The following DYRK4 variants were observed in gnomAD, a reference collection of about 807,000 sequenced individuals.
DYRK4 encodes the protein dual specificity tyrosine phosphorylation regulated kinase 4.
Under a neutral mutation model 68.3 loss-of-function variants are expected in DYRK4, and 64 were observed. The ratio of observed to expected loss-of-function variants is 0.94; its 90% CI spans 0.77 to 1.15. The LOEUF (loss-of-function observed/expected upper bound fraction) is 1.15. DYRK4 is among the 50% of genes most tolerant of loss of function. DYRK4 has a pLI of 0.00. For missense variants in DYRK4, 740 were observed against 764.7 expected (o/e 0.97, Z 0.38); for synonymous variants, 274 against 289.9 (o/e 0.95, Z 0.56).
chr12:4,597,782 G>A (rs951649259), intron 8 of DYRK4, among the ~76,000 whole-genome samples: 2 of 152,200 alleles, frequency 1.3e-5, no homozygotes, highest in African/African-American at 4.8e-5. Flanking sequence ...GCTCATGCCT[G>A]TAATCCCAGC....
At chr12:4,604,178 C>T (rs1945113327) in intron 10 of DYRK4, among the ~76,000 whole-genome samples, 1 of 152,214 alleles carries the variant, frequency 6.6e-6, no homozygotes, top group South Asian at 2.1e-4. Context: ...CCATTAAATC[C>T]ATGTTCTAAA....
rs756556537 is a variant in DYRK4 at position 4,610,218 on chromosome 12, A to G, written c.1424A>G (p.Lys475Arg). The change falls in exon 13 of 15, where the codon AAG becomes AGG. Residue 475 changes from lysine to arginine, a missense_variant. Physicochemically the swap from Lys to Arg is conservative, Grantham distance 26. Around this residue, in one of 3 missense-constraint regions of DYRK4, gnomAD observed 614 missense variants for 603.7 expected, o/e 1.02. Coordinates refer to ENST00000543431, the MANE Select transcript of DYRK4 (RefSeq NM_001394779.1). The part of the protein sequence containing the change: ...NRGKKRYPDS[K>R]DLTMVLKTYD... Reference sequence around the variant, plus strand: ...GGGAAAAAAAGATACCCAGATTCCAAGGACCTCACGATGGTGCTGAAAACC... The same window carrying G: ...GGGAAAAAAAGATACCCAGATTCCAGGGACCTCACGATGGTGCTGAAAACC... The G allele has an allele frequency of 4.4e-6, 7 of 1,602,252 alleles. No individual in the cohort carries two copies. Among genetic ancestry groups the G allele is most frequent in the Non-Finnish European group, 5.1e-6 (6 of 1,175,328 alleles).
At chr12:4,572,111 G>T (rs1820918136) in intron 2 of DYRK4, among the ~76,000 whole-genome samples, 1 of 152,216 alleles carries the variant, frequency 6.6e-6, no homozygotes, top group Non-Finnish European at 1.5e-5. Context: ...TTTGTAGGAA[G>T]ACCAGATGTT....
intron 13 of DYRK4, among the ~76,000 whole-genome samples, chr12:4,611,283 G>T (rs2137412166): frequency 6.6e-6 from 1 of 152,270 alleles, no homozygotes; most frequent in South Asian, 2.1e-4. Context: ...TCAAGGTAGG[G>T]AAGGATCCTG....
At chr12:4,580,537 C>T (rs1944831268) in intron 2 of DYRK4, among the ~76,000 whole-genome samples, 2 of 152,140 alleles carry the variant, frequency 1.3e-5, no homozygotes, top group Non-Finnish European at 2.9e-5. Flanking sequence ...CCTTAGGAGC[C>T]CAGCCACCTC....
Position 4,596,083 on chromosome 12 carries a change from G to A in DYRK4, c.628-66G>A, listed in dbSNP as rs895349241. 3.2e-6 allele frequency: 5 copies of A among 1,552,142 alleles called. No homozygotes were observed. The African/African-American group carries it at 5.5e-5, about 17-fold the overall frequency. The stretch of plus-strand genomic sequence containing the variant: ...CATAATCTGGGGATGGGAATGCCAG[G>A]GCCATGTACCAGGAAGGCCTGGGAG... On this transcript the variant is annotated intron_variant, in intron 6 of 14. Coordinates refer to ENST00000543431, the MANE Select transcript of DYRK4 (RefSeq NM_001394779.1).
At chr12:4,599,375 G>T (rs189443263) in intron 9 of DYRK4, among the ~76,000 whole-genome samples, 7 of 150,888 alleles carry the variant, frequency 4.6e-5, no homozygotes, top group Non-Finnish European at 8.8e-5. Flanking sequence ...CATTTCTAAG[G>T]CCGTGCAAGC....
Position 4,596,177 on chromosome 12 carries a change from A to G in DYRK4, c.656A>G (p.Tyr219Cys). The G allele has an allele frequency of 6.2e-7, 1 of 1,614,166 alleles. No homozygotes were observed. Among genetic ancestry groups the G allele is most frequent in the Non-Finnish European group, 8.5e-7 (1 of 1,180,022 alleles). ...CTGCATGATCACATTGCCTACCGCT[A>G]TGAAGTTCTGGAGACAATCGGGAAG... ...KVLHDHIAYR[Y>C]EVLETIGKGS... Residue 219 changes from tyrosine (Y) to cysteine (C), a missense_variant, in exon 7 of 15, where the codon TAT (tyrosine) becomes TGT (cysteine). By Grantham distance (194) the Tyr-to-Cys change is radical (BLOSUM62 -2). Around this residue, in one of 3 missense-constraint regions of DYRK4, gnomAD observed 614 missense variants for 603.7 expected, o/e 1.02. Coordinates refer to ENST00000543431, the MANE Select transcript of DYRK4 (RefSeq NM_001394779.1).
intron 13 of DYRK4, among the ~76,000 whole-genome samples, chr12:4,612,050 T>C (rs900960628): frequency 6.6e-6 from 1 of 152,178 alleles, no homozygotes; most frequent in Non-Finnish European, 1.5e-5. Flanking sequence ...AATTGCAGGG[T>C]GATTCCATGA....
At chr12:4,568,093 G>A (rs1228118728) in intron 2 of DYRK4, 45 bp downstream of exon 2, 20 of 1,496,218 alleles carry the variant, frequency 1.3e-5, no homozygotes, top group East Asian at 2.5e-5. Context: ...GTATCATTGC[G>A]AGGTCCTAGG....
intron 2 of DYRK4, among the ~76,000 whole-genome samples, chr12:4,588,420 A>G (rs1944919214): frequency 6.6e-6 from 1 of 152,088 alleles, no homozygotes; most frequent in Non-Finnish European, 1.5e-5. Flanking sequence ...TCTGGGACAC[A>G]CTGCTCTAGT....
intron 6 of DYRK4, 105 bp downstream of exon 6, chr12:4,593,270 T>C: frequency 1.5e-6 from 2 of 1,293,450 alleles, no homozygotes; most frequent in Non-Finnish European, 2.1e-6. Context: ...GCTGATACGT[T>C]GGAGACTAGA....
intron 8 of DYRK4, among the ~76,000 whole-genome samples, chr12:4,598,302 C>T (rs1224635589): frequency 6.6e-6 from 1 of 152,230 alleles, no homozygotes; most frequent in East Asian, 1.9e-4. Context: ...CAGAAGTTTG[C>T]TGCAGAGCCA....
At chr12:4,602,556 C>A in intron 10 of DYRK4, 1 of 1,251,944 alleles carries the variant, frequency 8.0e-7, no homozygotes, top group Non-Finnish European at 1.2e-6. Context: ...GGATATAAGC[C>A]AACGGCTCTC....
intron 2 of DYRK4, chr12:4,573,148 A>G (rs1944749866): frequency 2.4e-6 from 1 of 421,438 alleles, no homozygotes; most frequent in Non-Finnish European, 4.2e-6. Flanking sequence ...GACTCGAACT[A>G]GAAGAACTTG....
At chr12:4,562,340 C>T (rs1039598667) in intron 1 of DYRK4, 57 bp downstream of exon 1, 2 of 1,501,138 alleles carry the variant, frequency 1.3e-6, no homozygotes, top group Non-Finnish European at 1.8e-6. Flanking sequence ...ACGAGGCAGG[C>T]GACGAAGCTT....
At chr12:4,611,280 A>G (rs2137412152) in intron 13 of DYRK4, among the ~76,000 whole-genome samples, 1 of 152,324 alleles carries the variant, frequency 6.6e-6, no homozygotes, top group Non-Finnish European at 1.5e-5. Flanking sequence ...TAATCAAGGT[A>G]GGGAAGGATC....
At position 4,605,164 on chromosome 12, in the gene DYRK4, C is replaced by T. The variant is rs147050386; in HGVS notation, c.1299+78C>T. On this transcript the variant is annotated intron_variant, in intron 11 of 14. Transcript: ENST00000543431. ...AGACACGGGGCTGCACCAGACTCGCCCAGGACCATGGCCTGCATACCTTGT... is the reference window on the plus strand; with the variant it reads ...AGACACGGGGCTGCACCAGACTCGCTCAGGACCATGGCCTGCATACCTTGT... 1.3e-4 allele frequency: 179 copies of T among 1,346,020 alleles called. No individual in the cohort carries two copies. In the East Asian group the frequency reaches 3.8e-3, roughly 28 times the overall value. The allele number at this position is 1,346,020 out of a possible 1,614,324, so 83.4% of individuals were successfully genotyped here.
At chr12:4,594,461 C>T (rs1310625554) in intron 6 of DYRK4, among the ~76,000 whole-genome samples, 5 of 152,090 alleles carry the variant, frequency 3.3e-5, no homozygotes, top group African/African-American at 9.7e-5. Flanking sequence ...TGACCTCAGG[C>T]GATCCATCCG....
Sources: gnomAD v4.1 joint callset for allele counts (sites outside exome capture counted in the v4.1 genomes callset) on GRCh38, gnomAD v4.1.1 for gene constraint, gnomAD v4.1.1 regional missense constraint, MANE v1.5 for transcripts, NCBI Gene and HGNC (gene_info 2026-07-23, HGNC 2026-07-21) for gene names.